Variants in PDE1A observed in about 807,000 individuals in gnomAD.
PDE1A encodes the protein dual specificity calcium/calmodulin-dependent 3',5'-cyclic nucleotide phosphodiesterase 1A.
PDE1A carries 35 observed loss-of-function variants against 61.7 expected under a neutral mutation model. That is an observed-to-expected ratio of 0.57 (90% CI 0.43 to 0.75). The LOEUF (loss-of-function observed/expected upper bound fraction) is 0.75, where lower values mean the gene tolerates loss of function less well. Ranked by LOEUF, PDE1A falls within the 30% of genes least tolerant of loss-of-function variation. The pLI, the probability that PDE1A is intolerant of heterozygous loss-of-function variation, is 0.00. For missense variants in PDE1A, 597 were observed against 630.6 expected (o/e 0.95, Z 0.57); for synonymous variants, 232 against 213.2 (o/e 1.09, Z -0.77).
chr2:182,540,674 T>G, the PDE1A span, among the ~76,000 whole-genome samples: 3 of 152,212 alleles, frequency 2.0e-5, no homozygotes, highest in Non-Finnish European at 4.4e-5. Context: ...AAATTATATA[T>G]GATCTTGACT....
rs548951884 is a variant in PDE1A at position 182,463,101 on chromosome 2, C to T, written c.101+59175G>A. On this transcript the variant is annotated intron_variant, in intron 2 of 14. Transcript: ENST00000410103. ...ACTAAAAATACAATAATTAGCCAGG[C>T]GTGATGGCATGCACCTGTAGTACCA... Among the ~76,000 whole-genome samples the T allele has an allele frequency of 1.3e-4, 19 of 151,930 alleles. 1 individual carries two copies. The South Asian group carries it at 2.1e-3, about 17-fold the overall frequency.
the PDE1A span, among the ~76,000 whole-genome samples, chr2:182,696,588 TACA>T: frequency 9.2e-5 from 14 of 152,138 alleles, no homozygotes; most frequent in Admixed American, 2.6e-4. Flanking sequence ...CTATAGAATG[TACA>T]ACACCAACAG....
chr2:182,450,311 G>C (rs1487033881), intron 2 of PDE1A, among the ~76,000 whole-genome samples: 3 of 152,050 alleles, frequency 2.0e-5, no homozygotes, highest in Non-Finnish European at 4.4e-5. Flanking sequence ...CAAAGGAAAA[G>C]AATGGAAGAA....
rs149439312 is a variant in PDE1A, at chr2:182,372,349, A to T, written c.53+54229T>A. Among the ~76,000 whole-genome samples, 286 of 152,374 alleles carry T rather than the reference A, an allele frequency of 1.9e-3. 2 individuals carry two copies. Among genetic ancestry groups the T allele is most frequent in the African/African-American group, 6.6e-3 (276 of 41,590 alleles). On this transcript the variant is annotated intron_variant, in intron 1 of 13. Transcript: ENST00000351439. The stretch of plus-strand genomic sequence containing the variant: ...AACTAAAATGTTAGGTGTATAGCAT[A>T]AATTCAATAACTGTTTGATAAATAA...
intron 1 of PDE1A, among the ~76,000 whole-genome samples, chr2:182,318,854 C>T (rs766920361): frequency 3.4e-4 from 52 of 151,896 alleles, no homozygotes; most frequent in Non-Finnish European, 6.5e-4. Context: ...TTTTTAAAAC[C>T]TTTAAAAAGA....
At chr2:182,694,288 G>T in the PDE1A span, among the ~76,000 whole-genome samples, 165 of 152,298 alleles carry the variant, frequency 1.1e-3, no homozygotes, top group African/African-American at 3.8e-3. Flanking sequence ...GACCACAAAT[G>T]TATGGGTTTG....
At chr2:182,626,792 C>CATATATATATACATATATATACAT in the PDE1A span, among the ~76,000 whole-genome samples, 1 of 8,976 alleles carries the variant, frequency 1.1e-4, no homozygotes, top group African/African-American at 4.2e-4. Context: ...CATATATATA[C>CATATATATATACATATATATACAT]ATATATATAC....
At chr2:182,369,778 G>T (rs1352738681) in intron 1 of PDE1A, among the ~76,000 whole-genome samples, 1 of 152,210 alleles carries the variant, frequency 6.6e-6, no homozygotes, top group African/African-American at 2.4e-5. Flanking sequence ...AATTGGAAAT[G>T]AAGAATTAGA....
At chr2:182,609,478 G>A in the PDE1A span, among the ~76,000 whole-genome samples, 3 of 152,194 alleles carry the variant, frequency 2.0e-5, no homozygotes, top group Non-Finnish European at 4.4e-5. Flanking sequence ...TTTATGAGTT[G>A]TAACGCTTAC....
chr2:182,653,406 T>G, the PDE1A span, among the ~76,000 whole-genome samples: 2 of 152,118 alleles, frequency 1.3e-5, no homozygotes, highest in South Asian at 4.1e-4. Flanking sequence ...AATCATTTGG[T>G]TTTTTTCGAG....
intron 2 of PDE1A, among the ~76,000 whole-genome samples, chr2:182,457,060 C>G (rs189430376): frequency 6.6e-6 from 1 of 152,078 alleles, no homozygotes; most frequent in Non-Finnish European, 1.5e-5. Context: ...GAAAACCAGA[C>G]AGTCTGGACT....
intron 2 of PDE1A, among the ~76,000 whole-genome samples, chr2:182,244,492 GCTGA>G (rs1352803688): frequency 6.6e-6 from 1 of 151,576 alleles, no homozygotes; most frequent in Non-Finnish European, 1.5e-5. Context: ...TCCTCCATTT[GCTGA>G]CTGAGTTATG....
chr2:182,266,647 G>A (rs925958382), intron 1 of PDE1A, among the ~76,000 whole-genome samples: 4 of 152,108 alleles, frequency 2.6e-5, no homozygotes, highest in Non-Finnish European at 4.4e-5. Flanking sequence ...GCTAGGTATG[G>A]TCACATGAGT....
At chr2:182,528,502 A>C in the PDE1A span, among the ~76,000 whole-genome samples, 33 of 152,346 alleles carry the variant, frequency 2.2e-4, no homozygotes, top group African/African-American at 7.0e-4. Context: ...GAATATTTGC[A>C]GCCTGAGGAT....
chr2:182,378,407 G>A (rs1406411928), intron 1 of PDE1A, among the ~76,000 whole-genome samples: 1 of 152,112 alleles, frequency 6.6e-6, no homozygotes, highest in Non-Finnish European at 1.5e-5. Context: ...GTTTTAATTG[G>A]TGATGTGTTT....
chr2:182,595,339 C>T, the PDE1A span, among the ~76,000 whole-genome samples: 1 of 152,174 alleles, frequency 6.6e-6, no homozygotes, highest in African/African-American at 2.4e-5. Context: ...ATCACTAAAT[C>T]CTCCTCTGCT....
intron 1 of PDE1A, among the ~76,000 whole-genome samples, chr2:182,403,512 T>C (rs552225881): frequency 3.9e-4 from 57 of 147,424 alleles, no homozygotes; most frequent in African/African-American, 1.4e-3. Context: ...GGCAGGAGAA[T>C]GGTGGGAACC....
intron 1 of PDE1A, among the ~76,000 whole-genome samples, chr2:182,286,737 T>C (rs1165334901): frequency 6.6e-6 from 1 of 152,102 alleles, no homozygotes; most frequent in Non-Finnish European, 1.5e-5. Context: ...TCATATTACA[T>C]TGAGGATAAA....
At chr2:182,524,875 T>C (rs1289449473), upstream of PDE1A, among the ~76,000 whole-genome samples, 1 of 151,904 alleles carries the variant, frequency 6.6e-6, no homozygotes, top group African/African-American at 2.4e-5. Context: ...GTCAGGTAAA[T>C]TATCTCTATT....
Sources: gnomAD v4.1 joint callset for allele counts (sites outside exome capture counted in the v4.1 genomes callset) on GRCh38, gnomAD v4.1.1 for gene constraint, MANE v1.5 for transcripts, NCBI Gene and HGNC (gene_info 2026-07-23, HGNC 2026-07-21) for gene names.